The following ARK2C variants were observed in gnomAD, a reference collection of about 807,000 sequenced individuals.
ARK2C encodes arkadia (RNF111) C-terminal like ring finger ubiquitin ligase 2C.
At chr18:46,350,528 GC>G in the ARK2C span, among the ~76,000 whole-genome samples, 1 of 152,138 alleles carries the variant, frequency 6.6e-6, no homozygotes, top group South Asian at 2.1e-4. Context: ...GGTCAGGAGC[GC>G]CCCCAACCCC....
chr18:46,360,883 G>A, the ARK2C span, among the ~76,000 whole-genome samples: 1 of 152,222 alleles, frequency 6.6e-6, no homozygotes, highest in Non-Finnish European at 1.5e-5. Context: ...ACAAAGCTGT[G>A]GAGGAGCTTT....
chr18:46,343,069 G>A, the ARK2C span, among the ~76,000 whole-genome samples: 1 of 152,194 alleles, frequency 6.6e-6, no homozygotes, highest in East Asian at 1.9e-4. Context: ...AGCCAAGTTT[G>A]CTGGCTTCGC....
chr18:46,392,954 A>C, the ARK2C span, among the ~76,000 whole-genome samples: 4,366 of 152,136 alleles, frequency 0.029, 131 homozygotes, highest in South Asian at 0.076. Flanking sequence ...TGGAAACCCA[A>C]GACACACCAC....
At chr18:46,341,319 A>AGGGGGGGGGGGGGGGG in the ARK2C span, among the ~76,000 whole-genome samples, 1 of 126,360 alleles carries the variant, frequency 7.9e-6, no homozygotes, top group Non-Finnish European at 1.7e-5. Flanking sequence ...GAGGTCAGGG[A>AGGGGGGGGGGGGGGGG]GGGGGGTGGG....
At chr18:46,366,500 A>G in the ARK2C span, among the ~76,000 whole-genome samples, 1 of 152,050 alleles carries the variant, frequency 6.6e-6, no homozygotes, top group Non-Finnish European at 1.5e-5. Flanking sequence ...TGAGGCCCAG[A>G]CAATTTGGTG....
At chr18:46,370,961 G>A in the ARK2C span, among the ~76,000 whole-genome samples, 224 of 152,282 alleles carry the variant, frequency 1.5e-3, 4 homozygotes, top group Admixed American at 0.013. Context: ...TAATAAAGAC[G>A]TACGCGACAC....
the ARK2C span, among the ~76,000 whole-genome samples, chr18:46,373,023 A>AGT: frequency 4.9e-4 from 74 of 152,022 alleles, no homozygotes; most frequent in Non-Finnish European, 7.4e-4. Flanking sequence ...TGCATGTGCG[A>AGT]GTGTGTGTGT....
At chr18:46,364,077 A>G in the ARK2C span, among the ~76,000 whole-genome samples, 1 of 150,386 alleles carries the variant, frequency 6.6e-6, no homozygotes, top group Admixed American at 6.6e-5. Context: ...CCTCCTGAGT[A>G]GCTTGGATTA....
the ARK2C span, among the ~76,000 whole-genome samples, chr18:46,411,499 G>A: frequency 1.7e-4 from 26 of 152,304 alleles, no homozygotes; most frequent in East Asian, 1.2e-3. Context: ...CTTTGCTATC[G>A]ATTGATTCAT....
chr18:46,426,927 G>A, the ARK2C span, among the ~76,000 whole-genome samples: 3 of 152,318 alleles, frequency 2.0e-5, no homozygotes, highest in African/African-American at 7.2e-5. Flanking sequence ...TGGGATGTCT[G>A]TTTTTCAGAC....
chr18:46,416,227 C>T, the ARK2C span, among the ~76,000 whole-genome samples: 41,747 of 152,048 alleles, frequency 0.27, 6,906 homozygotes, highest in East Asian at 0.78. Context: ...GAAGTCAAAG[C>T]TCAACTATAA....
the ARK2C span, among the ~76,000 whole-genome samples, chr18:46,339,434 T>A: frequency 7.2e-5 from 11 of 152,378 alleles, no homozygotes; most frequent in African/African-American, 2.6e-4. Flanking sequence ...TTTAGCAATG[T>A]ATGCAGTGTA....
At chr18:46,445,100 T>G in the ARK2C span, among the ~76,000 whole-genome samples, 3 of 152,340 alleles carry the variant, frequency 2.0e-5, no homozygotes, top group South Asian at 6.2e-4. Context: ...TAGTAATTTT[T>G]TATTGAATGA....
the ARK2C span, among the ~76,000 whole-genome samples, chr18:46,356,601 C>T: frequency 7.9e-5 from 12 of 152,284 alleles, no homozygotes; most frequent in South Asian, 2.5e-3. Flanking sequence ...ACTAACTACT[C>T]ACTCTGAACA....
the ARK2C span, among the ~76,000 whole-genome samples, chr18:46,349,089 T>C: frequency 7.2e-5 from 11 of 152,240 alleles, no homozygotes; most frequent in East Asian, 1.9e-3. Flanking sequence ...AAAAAGGCCA[T>C]AAAAGGGAAC....
At chr18:46,435,486 C>A in the ARK2C span, 2 of 1,021,914 alleles carry the variant, frequency 2.0e-6, no homozygotes, top group East Asian at 2.5e-5. Flanking sequence ...TTTTCCTTCA[C>A]TTTGAATGGC....
the ARK2C span, among the ~76,000 whole-genome samples, chr18:46,401,089 G>A: frequency 2.6e-5 from 4 of 152,170 alleles, no homozygotes; most frequent in African/African-American, 9.6e-5. Flanking sequence ...GAGACACAGG[G>A]ACGTGGGACA....
chr18:46,426,262 GTTACTTA>G, the ARK2C span, among the ~76,000 whole-genome samples: 1 of 152,160 alleles, frequency 6.6e-6, no homozygotes, highest in Non-Finnish European at 1.5e-5. Context: ...TTTCTACTTT[GTTACTTA>G]TCAGATGAGT....
the ARK2C span, among the ~76,000 whole-genome samples, chr18:46,379,692 A>G: frequency 6.6e-6 from 1 of 152,206 alleles, no homozygotes; most frequent in African/African-American, 2.4e-5. Flanking sequence ...AGAGGTGGCC[A>G]GTTCATTCAG....
Sources: gnomAD v4.1 joint callset for allele counts (sites outside exome capture counted in the v4.1 genomes callset) on GRCh38, gnomAD v4.1.1 for gene constraint, MANE v1.5 for transcripts, NCBI Gene and HGNC (gene_info 2026-07-23, HGNC 2026-07-21) for gene names.